The following PICALM variants were observed in gnomAD, a reference collection of about 807,000 sequenced individuals.
The protein encoded by PICALM is phosphatidylinositol binding clathrin assembly protein.
PICALM carries 40 observed loss-of-function variants against 80.5 expected under a neutral mutation model. That is an observed-to-expected ratio of 0.50 (90% CI 0.39 to 0.65). The LOEUF is 0.65. Ranked by LOEUF, PICALM falls within the 30% of genes least tolerant of loss-of-function variation. The pLI is 0.00. For missense variants in PICALM, 676 were observed against 778.9 expected, an observed-to-expected ratio of 0.87 and a Z score of 1.57; for synonymous variants, 288 against 260.3, an observed-to-expected ratio of 1.11 and a Z score of -1.02.
At chr11:86,027,026 TA>T (rs1383222594) in intron 2 of PICALM, among the ~76,000 whole-genome samples, 16 of 152,238 alleles carry the variant, frequency 1.1e-4, no homozygotes, top group African/African-American at 3.4e-4. Flanking sequence ...ATAGTGTACT[TA>T]CTCTTTGCAA....
chr11:86,036,309 T>C (rs2095842836), intron 1 of PICALM, among the ~76,000 whole-genome samples: 1 of 152,216 alleles, frequency 6.6e-6, no homozygotes. Context: ...TCCAATGATT[T>C]GTGAAAGGGA....
rs1342246137 is a variant in PICALM, at chr11:85,981,727, T to A, written c.1679+18A>T. 1 of 1,585,846 alleles carries A rather than the reference T, an allele frequency of 6.3e-7. No individual in the cohort carries two copies. The highest frequency in any genetic ancestry group is 2.2e-5 in the East Asian group (1 of 44,704). Reference sequence around the variant, plus strand: ...TAAATAACACACGGAGAAAACAATGTGTATATTAAACACTCACTTCTTAGT... The same window carrying A: ...TAAATAACACACGGAGAAAACAATGAGTATATTAAACACTCACTTCTTAGT... On this transcript the variant is annotated intron_variant, in intron 16 of 19. Transcript: ENST00000393346.
intron 3 of PICALM, among the ~76,000 whole-genome samples, chr11:86,024,654 AT>A (rs751831847): frequency 6.0e-4 from 91 of 152,028 alleles, no homozygotes; most frequent in Non-Finnish European, 1.1e-3. Flanking sequence ...TCTATAAAAA[AT>A]TTTTGTGCTT....
intron 1 of PICALM, among the ~76,000 whole-genome samples, chr11:86,042,303 T>C (rs2095986496): frequency 7.4e-6 from 1 of 134,384 alleles, no homozygotes; most frequent in African/African-American, 3.3e-5. Context: ...TCTCAAAGAT[T>C]TATTACTTCT....
intron 1 of PICALM, among the ~76,000 whole-genome samples, chr11:86,045,263 G>A (rs2096052394): frequency 6.6e-6 from 1 of 151,730 alleles, no homozygotes; most frequent in Admixed American, 6.6e-5. Flanking sequence ...AAATCACCAG[G>A]ATTATTCTAC....
Position 86,007,395 on chromosome 11 carries a change from C to A in PICALM, c.807+147G>T, listed in dbSNP as rs931648064. On this transcript the variant is annotated intron_variant, in intron 8 of 19. Transcript: ENST00000393346. The stretch of plus-strand genomic sequence containing the variant: ...ATTTTACGTGGTCATAGTGTTAGAA[C>A]AATCTTCAGGAATACATCAAAATGT... 29 of 538,322 alleles carry A rather than the reference C, an allele frequency of 5.4e-5. No individual in the cohort carries two copies. The East Asian group carries it at 6.0e-4, about 11-fold the overall frequency. 33.3% of individuals were successfully genotyped at this position (538,322 alleles called of 1,614,324 possible). A position where few individuals can be genotyped will look rare whatever the true frequency, so the allele number is the denominator to read the frequency against.
chr11:85,976,936 C>T (rs1385068391), intron 17 of PICALM: 6 of 291,180 alleles, frequency 2.1e-5, no homozygotes, highest in Non-Finnish European at 3.2e-5. Flanking sequence ...AAGATTTCAT[C>T]ATGCTTTTTA....
intron 1 of PICALM, among the ~76,000 whole-genome samples, chr11:86,041,155 T>C (rs1456243713): frequency 6.6e-6 from 1 of 152,208 alleles, no homozygotes; most frequent in South Asian, 2.1e-4. Context: ...AGGCAGTCCA[T>C]GACTTCTTCA....
intron 13 of PICALM, among the ~76,000 whole-genome samples, chr11:85,988,707 A>G (rs1027289470): frequency 6.6e-6 from 1 of 152,164 alleles, no homozygotes; most frequent in African/African-American, 2.4e-5. Context: ...GAGGAGGAAC[A>G]GTTATGAGTG....
In PICALM at chr11:86,068,680, A is replaced by G. The variant is rs2096483204; in HGVS notation, c.101T>C (p.Ile34Thr). The G allele has an allele frequency of 6.2e-7, 1 of 1,612,656 alleles. No individual in the cohort carries two copies. The highest frequency in any genetic ancestry group is 1.7e-5 in the Admixed American group (1 of 59,888). Residue 34 changes from isoleucine to threonine, a missense_variant, in exon 1 of 20, where the codon ATC (isoleucine) becomes ACC (threonine). Around this residue, in one of 2 missense-constraint regions of PICALM, gnomAD observed 285 missense variants for 395.4 expected, o/e 0.72. Coordinates refer to ENST00000393346, the MANE Select transcript of PICALM (RefSeq NM_007166.4). ...KTVCKATTHE[I>T]MGPKKKHLDY... ...CAGGTGCTTTTTCTTGGGCCCCATG[A>G]TCTCGTGGGTCGTGGCCTTGCATAC...
At chr11:86,067,547 T>C (rs1054220409) in intron 1 of PICALM, among the ~76,000 whole-genome samples, 2 of 152,220 alleles carry the variant, frequency 1.3e-5, no homozygotes, top group South Asian at 4.1e-4. Context: ...CGTTAGCGAA[T>C]GGACGAATAC....
chr11:86,018,901 G>C lies in PICALM; in HGVS notation c.452+3466C>G, dbSNP rs201810218. On this transcript the variant is annotated intron_variant, in intron 4 of 19. Transcript: ENST00000393346. ...CAGACTCTGACTTAAAAAAAAAAAA[G>C]AAAAAAATGAGATGGATCTATGTGT... 8.4e-5 allele frequency among the ~76,000 whole-genome samples: 4 copies of C among 47,820 alleles called. No homozygotes were observed. The East Asian group carries it at 1.5e-3, about 18-fold the overall frequency. The allele number at this position is 47,820 out of a possible 152,430, so 31.4% of individuals were successfully genotyped here.
In PICALM at chr11:86,053,310, T is replaced by C. The variant is rs542858149; in HGVS notation, c.130+15341A>G. 5.9e-5 allele frequency among the ~76,000 whole-genome samples: 9 copies of C among 152,252 alleles called. No homozygotes were observed. In the East Asian group the frequency reaches 1.7e-3, roughly 29 times the overall value. On this transcript the variant is annotated intron_variant, in intron 1 of 19. Coordinates refer to ENST00000393346, the MANE Select transcript of PICALM (RefSeq NM_007166.4). The stretch of plus-strand genomic sequence containing the variant: ...ACAAGCGGCAAGCTGCTCAGACATG[T>C]CCAAATAAGGCAAACGTGGACACAA...
chr11:86,022,415 G>C lies in PICALM; in HGVS notation c.404C>G (p.Ala135Gly). ...AAATGCAACTTGTCTGTATGAAACT[G>C]CTTTCTCATTTAAATATCTACTATA... ...RRYSRYLNEK[A>G]VSYRQVAFDF... Residue 135 changes from alanine (A) to glycine (G), a missense_variant, in exon 4 of 20, where the codon GCA becomes GGA. Transcript: ENST00000393346. 6.3e-7 allele frequency: 1 copy of C among 1,593,144 alleles called. No individual in the cohort carries two copies. Among genetic ancestry groups the C allele is most frequent in the Non-Finnish European group, 8.5e-7 (1 of 1,172,102 alleles).
At chr11:86,035,278 A>G (rs2095821267) in intron 1 of PICALM, among the ~76,000 whole-genome samples, 2 of 152,194 alleles carry the variant, frequency 1.3e-5, no homozygotes, top group Non-Finnish European at 2.9e-5. Flanking sequence ...TTCCCCAGGC[A>G]GAGTTCATCA....
intron 6 of PICALM, among the ~76,000 whole-genome samples, chr11:86,011,801 T>C (rs556636918): frequency 6.6e-6 from 1 of 152,176 alleles, no homozygotes; most frequent in East Asian, 1.9e-4. Flanking sequence ...TTTTCCCATC[T>C]TTTTTTATTG....
chr11:86,046,098 G>A (rs531431104), intron 1 of PICALM, among the ~76,000 whole-genome samples: 2 of 152,040 alleles, frequency 1.3e-5, no homozygotes, highest in Non-Finnish European at 2.9e-5. Flanking sequence ...AAATCTTCTG[G>A]CTCACATTTA....
Position 86,014,913 on chromosome 11 carries a change from A to C in PICALM, c.503T>G (p.Val168Gly), listed in dbSNP as rs2095455998. ...TMNTEKLLKT[V>G]PIIQNQMDAL... ...ATCCATCTGATTCTGAATAATTGGT[A>C]CAGTTTTTAGGAGTTTTTCTGTGTT... Residue 168 changes from valine (V) to glycine (G), a missense_variant, in exon 5 of 20, where the codon GTA (valine) becomes GGA (glycine). Val to Gly is a moderately radical substitution (Grantham distance 109). Around this residue, in one of 2 missense-constraint regions of PICALM, gnomAD observed 285 missense variants for 395.4 expected, o/e 0.72. Transcript: ENST00000393346. The C allele has an allele frequency of 2.5e-6, 4 of 1,593,480 alleles. No individual in the cohort carries two copies. The highest frequency in any genetic ancestry group is 1.7e-6 in the Non-Finnish European group (2 of 1,166,452).
chr11:86,068,528 C>T, intron 1 of PICALM, 123 bp downstream of exon 1: 3 of 885,956 alleles, frequency 3.4e-6, no homozygotes, highest in Non-Finnish European at 5.1e-6. Flanking sequence ...CAGGACCGGC[C>T]GTGCCAGAGA....
Sources: gnomAD v4.1 joint callset for allele counts (sites outside exome capture counted in the v4.1 genomes callset) on GRCh38, gnomAD v4.1.1 for gene constraint, gnomAD v4.1.1 regional missense constraint, MANE v1.5 for transcripts, NCBI Gene and HGNC (gene_info 2026-07-23, HGNC 2026-07-21) for gene names.